RNF144A: variants seen among roughly 807,000 people sequenced by gnomAD.
RNF144A encodes ring finger protein 144A.
RNF144A carries 11 observed loss-of-function variants against 38.7 expected under a neutral mutation model. The observed-to-expected ratio is 0.28, with a 90% CI of 0.18 to 0.47. RNF144A has a LOEUF of 0.47. Ranked by LOEUF, RNF144A falls within the 20% of genes least tolerant of loss-of-function variation. The probability of loss-of-function intolerance (pLI) is 0.99; values close to 1 mark genes in which losing one functional copy is unlikely to be tolerated. For missense variants in RNF144A, 316 were observed against 377.2 expected, an observed-to-expected ratio of 0.84 and a Z score of 1.34; for synonymous variants, 149 against 143.9, an observed-to-expected ratio of 1.04 and a Z score of -0.25.
At chr2:6,986,654 C>G (rs779037941) in intron 2 of RNF144A, among the ~76,000 whole-genome samples, 13 of 152,110 alleles carry the variant, frequency 8.5e-5, no homozygotes, top group Non-Finnish European at 1.8e-4. Context: ...TCATAGATGT[C>G]CATATATATA....
intron 2 of RNF144A, among the ~76,000 whole-genome samples, chr2:6,972,760 C>T (rs1425112219): frequency 2.0e-5 from 3 of 152,212 alleles, no homozygotes; most frequent in Non-Finnish European, 4.4e-5. Context: ...TGAGCCACGT[C>T]CAGGCCCAAA....
At chr2:7,063,546 G>A (rs1022337831) in intron 6 of RNF144A, among the ~76,000 whole-genome samples, 4 of 152,092 alleles carry the variant, frequency 2.6e-5, no homozygotes, top group Admixed American at 2.6e-4. Flanking sequence ...TGCTAAAGAT[G>A]AACAGAAATA....
At chr2:7,045,855 G>A (rs987444814), downstream of RNF144A, among the ~76,000 whole-genome samples, 3 of 152,118 alleles carry the variant, frequency 2.0e-5, no homozygotes, top group Non-Finnish European at 2.9e-5. Context: ...TCTTCCCTAC[G>A]CTGGGTTGCA....
chr2:6,925,275 CTCT>C (rs1664785722), intron 1 of RNF144A, among the ~76,000 whole-genome samples: 2 of 152,334 alleles, frequency 1.3e-5, no homozygotes, highest in African/African-American at 4.8e-5. Context: ...AGGCCCTTCT[CTCT>C]TCTTCTTGTC....
intron 8 of RNF144A, among the ~76,000 whole-genome samples, chr2:7,033,025 T>C (rs1366309397): frequency 6.6e-6 from 1 of 152,250 alleles, no homozygotes; most frequent in Non-Finnish European, 1.5e-5. Flanking sequence ...TGGCAGAAAC[T>C]GAGTCAGAGC....
chr2:7,043,926 CAA>C lies in RNF144A; in HGVS notation c.*4169_*4170del. On this transcript the variant is annotated 3_prime_UTR_variant, in exon 9 of 9. Coordinates refer to ENST00000320892, the MANE Select transcript of RNF144A (RefSeq NM_014746.6). ...ATGTATTTGACAAGTGGTGGTGAAA[CAA>C]AATCAAAACAGATTTGATTTGTGTT... 1 of 985,774 alleles carries C rather than the reference CAA, an allele frequency of 1.0e-6. No homozygotes were observed. The highest frequency in any genetic ancestry group is 4.7e-5 in the South Asian group (1 of 21,286). The allele number at this position is 985,774 out of a possible 1,614,324, so 61.1% of individuals were successfully genotyped here.
At chr2:6,949,422 A>G (rs373080419) in intron 2 of RNF144A, among the ~76,000 whole-genome samples, 79 of 121,466 alleles carry the variant, frequency 6.5e-4, no homozygotes, top group Middle Eastern at 8.2e-3. Flanking sequence ...TTTTTTTTTT[A>G]AGGAAATCAA....
chr2:6,930,000 G>T (rs1052348750), intron 1 of RNF144A, among the ~76,000 whole-genome samples: 1 of 152,224 alleles, frequency 6.6e-6, no homozygotes, highest in African/African-American at 2.4e-5. Flanking sequence ...GTGAAAGGAT[G>T]GCGTAAGGAA....
intron 2 of RNF144A, among the ~76,000 whole-genome samples, chr2:6,990,805 T>C (rs1178855644): frequency 6.6e-6 from 1 of 152,188 alleles, no homozygotes; most frequent in Non-Finnish European, 1.5e-5. Context: ...GCTGAATAGT[T>C]GCTCTCCCCT....
chr2:7,030,304 T>C (rs968248997), intron 8 of RNF144A, 89 bp downstream of exon 8: 1 of 867,332 alleles, frequency 1.2e-6, no homozygotes, highest in Non-Finnish European at 1.9e-6. Context: ...TGTGTGTGTG[T>C]GTATGTATAT....
At chr2:7,070,410 A>T (rs1427895702), downstream of RNF144A, among the ~76,000 whole-genome samples, 1 of 152,170 alleles carries the variant, frequency 6.6e-6, no homozygotes, top group Non-Finnish European at 1.5e-5. Flanking sequence ...TTGTATAAAG[A>T]ACAGCATGAG....
intron 5 of RNF144A, among the ~76,000 whole-genome samples, chr2:7,017,675 T>C (rs1671229045): frequency 6.6e-6 from 1 of 152,248 alleles, no homozygotes; most frequent in African/African-American, 2.4e-5. Flanking sequence ...TTAACATTAG[T>C]TTCCTCTAGT....
intron 2 of RNF144A, among the ~76,000 whole-genome samples, chr2:6,977,536 C>T (rs1217012214): frequency 6.6e-6 from 1 of 152,214 alleles, no homozygotes; most frequent in East Asian, 1.9e-4. Context: ...TATTTACTTT[C>T]TACGTGTAGT....
At chr2:6,975,530 C>G (rs962745491) in intron 2 of RNF144A, among the ~76,000 whole-genome samples, 2 of 152,226 alleles carry the variant, frequency 1.3e-5, no homozygotes, top group African/African-American at 2.4e-5. Context: ...CAATGAAAAT[C>G]TTGGATATTC....
At position 7,066,382 on chromosome 2, in the gene RNF144A, C is replaced by T. The variant is rs188374022; in HGVS notation, c.735-1834C>T. Among the ~76,000 whole-genome samples, 899 of 152,278 alleles carry T rather than the reference C, an allele frequency of 5.9e-3. 2 individuals carry two copies. The highest frequency in any genetic ancestry group is 0.018 in the South Asian group (85 of 4,828). ...GATTACAGGCGTCAGCCACCATGCC[C>T]GGTCAAGTTTTTCTCTTTTATCTTA... On this transcript the variant is annotated intron_variant, in intron 6 of 6. Transcript: ENST00000432850.
At chr2:6,957,445 G>A (rs1667077884) in intron 2 of RNF144A, among the ~76,000 whole-genome samples, 1 of 152,240 alleles carries the variant, frequency 6.6e-6, no homozygotes. Context: ...ATGTGATTAT[G>A]TGTGGGTAAG....
chr2:6,968,927 T>A (rs1667834021), intron 2 of RNF144A, among the ~76,000 whole-genome samples: 1 of 152,148 alleles, frequency 6.6e-6, no homozygotes, highest in Non-Finnish European at 1.5e-5. Flanking sequence ...GGGTTCCTGC[T>A]GGTCAGATGA....
At chr2:7,067,852 C>CT (rs1435618803) in intron 6 of RNF144A, among the ~76,000 whole-genome samples, 1 of 152,170 alleles carries the variant, frequency 6.6e-6, no homozygotes, top group Non-Finnish European at 1.5e-5. Context: ...CTCCCCCACC[C>CT]TTGATATCTG....
At chr2:6,936,165 T>C (rs1186336336) in intron 1 of RNF144A, among the ~76,000 whole-genome samples, 3 of 152,236 alleles carry the variant, frequency 2.0e-5, no homozygotes, top group African/African-American at 7.2e-5. Flanking sequence ...TCTCATGTCC[T>C]GCTTGCTCAT....
Sources: gnomAD v4.1 joint callset for allele counts (sites outside exome capture counted in the v4.1 genomes callset) on GRCh38, gnomAD v4.1.1 for gene constraint, MANE v1.5 for transcripts, NCBI Gene and HGNC (gene_info 2026-07-23, HGNC 2026-07-21) for gene names.